The following DYNLT2B variants were observed in gnomAD, a reference collection of about 807,000 sequenced individuals.
The protein encoded by DYNLT2B is dynein light chain Tctex-type protein 2B.
DYNLT2B carries 14 observed loss-of-function variants against 19.5 expected under a neutral mutation model. The ratio of observed to expected loss-of-function variants is 0.72; its 90% CI spans 0.47 to 1.12. The LOEUF (loss-of-function observed/expected upper bound fraction) is 1.12, where lower values mean the gene tolerates loss of function less well. DYNLT2B is among the 50% of genes most tolerant of loss of function. DYNLT2B has a pLI of 0.00. For missense variants in DYNLT2B, 133 were observed against 174.7 expected (o/e 0.76, Z 1.35); for synonymous variants, 70 against 59.7 (o/e 1.17, Z -0.79).
In DYNLT2B at chr3:196,291,662, T is replaced by C. The variant is rs1329974754; in HGVS notation, c.382-288A>G. On this transcript the variant is annotated intron_variant, in intron 4 of 4. Coordinates refer to ENST00000325318, the MANE Select transcript of DYNLT2B (RefSeq NM_152773.5). The stretch of plus-strand genomic sequence containing the variant: ...CCAGGCTAATTTTGTTTATTTTTTG[T>C]AAAGATGAGGTCTCACTATGTTGCC... Among the ~76,000 whole-genome samples the C allele has an allele frequency of 2.6e-5, 4 of 152,186 alleles. No homozygotes were observed. The East Asian group carries it at 7.7e-4, about 29-fold the overall frequency.
chr3:196,309,810 G>A (rs747046881), intron 2 of DYNLT2B, among the ~76,000 whole-genome samples: 5 of 151,516 alleles, frequency 3.3e-5, no homozygotes, highest in South Asian at 4.2e-4. Context: ...TTAGCAGGGC[G>A]TGGTGGTGCA....
In DYNLT2B at chr3:196,296,290, C is replaced by T. The variant is rs1259297886; in HGVS notation, c.318-221G>A. On this transcript the variant is annotated intron_variant, in intron 3 of 4. Coordinates refer to ENST00000325318, the MANE Select transcript of DYNLT2B (RefSeq NM_152773.5). ...GAAGCTGCTTGCAACTAGAGGTGAC[C>T]AGCCAGGTACTCTGACAGCCTCAGA... 20 of 479,134 alleles carry T rather than the reference C, an allele frequency of 4.2e-5. No individual in the cohort carries two copies. The East Asian group carries it at 6.8e-4, about 16-fold the overall frequency. 29.7% of individuals were successfully genotyped at this position (479,134 alleles called of 1,614,324 possible). A position where few individuals can be genotyped will look rare whatever the true frequency, so the allele number is the denominator to read the frequency against.
chr3:196,299,336 C>T (rs62409172), intron 3 of DYNLT2B, among the ~76,000 whole-genome samples: 17 of 152,062 alleles, frequency 1.1e-4, no homozygotes, highest in Admixed American at 4.6e-4. Context: ...CCACCGGCCT[C>T]GGCCTCCCAA....
Position 196,291,260 on chromosome 3 carries a change from T to C in DYNLT2B, c.*67A>G, listed in dbSNP as rs1160548098. 1 of 1,415,620 alleles carries C rather than the reference T, an allele frequency of 7.1e-7. No homozygotes were observed. The highest frequency in any genetic ancestry group is 1.4e-5 in the African/African-American group (1 of 69,346). The allele number at this position is 1,415,620 out of a possible 1,614,324, so 87.7% of individuals were successfully genotyped here. On this transcript the variant is annotated 3_prime_UTR_variant, in exon 5 of 5. Coordinates refer to ENST00000325318, the MANE Select transcript of DYNLT2B (RefSeq NM_152773.5). Reference sequence around the variant, plus strand: ...CTAACATCTTTATTTTGTCAAGATATTTAACAATATTAAAAAGTTCAGATT... The same window carrying C: ...CTAACATCTTTATTTTGTCAAGATACTTAACAATATTAAAAAGTTCAGATT...
chr3:196,302,024 T>G (rs928849119), intron 3 of DYNLT2B, among the ~76,000 whole-genome samples: 1 of 151,930 alleles, frequency 6.6e-6, no homozygotes, highest in Non-Finnish European at 1.5e-5. Flanking sequence ...CGAGAATCGC[T>G]TAAACCCAGG....
chr3:196,301,525 C>A (rs1195791436), intron 3 of DYNLT2B, among the ~76,000 whole-genome samples: 1 of 152,060 alleles, frequency 6.6e-6, no homozygotes, highest in Non-Finnish European at 1.5e-5. Context: ...TAAGCCTGGT[C>A]AACATGGTGA....
chr3:196,292,677 TCA>T (rs1726119820), intron 4 of DYNLT2B: 1 of 152,140 alleles, frequency 6.6e-6, no homozygotes, highest in Non-Finnish European at 1.5e-5. Context: ...AACAAACAGG[TCA>T]CAGAGCCGTG....
At chr3:196,306,837 G>C (rs138684902) in intron 3 of DYNLT2B, 106 bp downstream of exon 3, 1 of 1,008,816 alleles carries the variant, frequency 9.9e-7, no homozygotes, top group Non-Finnish European at 1.5e-6. Flanking sequence ...CATCACACCC[G>C]GCCCTTCTCA....
At chr3:196,296,697 T>A (rs1197768007) in intron 3 of DYNLT2B, among the ~76,000 whole-genome samples, 1 of 151,990 alleles carries the variant, frequency 6.6e-6, no homozygotes. Flanking sequence ...GAGAATTTTT[T>A]AAAAAAAGAA....
At chr3:196,294,551 T>C (rs1726175408) in intron 4 of DYNLT2B, among the ~76,000 whole-genome samples, 1 of 152,076 alleles carries the variant, frequency 6.6e-6, no homozygotes, top group Non-Finnish European at 1.5e-5. Context: ...AGCGTCTATA[T>C]TTTAAACAAC....
chr3:196,293,214 T>C (rs1450426871), intron 4 of DYNLT2B, among the ~76,000 whole-genome samples: 2 of 152,236 alleles, frequency 1.3e-5, no homozygotes, highest in African/African-American at 4.8e-5. Context: ...TGGATGTTAA[T>C]AGGCAGAAAC....
At chr3:196,297,988 T>G (rs1726264129) in intron 3 of DYNLT2B, 1 of 158,506 alleles carries the variant, frequency 6.3e-6, no homozygotes, top group African/African-American at 2.4e-5. Context: ...TGGTGACGTT[T>G]TCAGCTTGCT....
intron 2 of DYNLT2B, among the ~76,000 whole-genome samples, chr3:196,311,491 G>A (rs974150366): frequency 6.6e-6 from 1 of 151,860 alleles, no homozygotes; most frequent in Non-Finnish European, 1.5e-5. Context: ...AATATTTGGT[G>A]TCCTGAAGAA....
intron 3 of DYNLT2B, among the ~76,000 whole-genome samples, chr3:196,296,964 C>T (rs1006208685): frequency 6.8e-6 from 1 of 146,352 alleles, no homozygotes; most frequent in Non-Finnish European, 1.5e-5. Context: ...GAGGCCAAGG[C>T]GGGCAGATCA....
At chr3:196,295,043 C>G (rs764996145) in intron 4 of DYNLT2B, among the ~76,000 whole-genome samples, 4 of 151,894 alleles carry the variant, frequency 2.6e-5, no homozygotes, top group Non-Finnish European at 4.4e-5. Context: ...CACCTGGCCT[C>G]ACTCTCTTAA....
chr3:196,312,741 G>A (rs999962800), intron 2 of DYNLT2B, among the ~76,000 whole-genome samples: 1 of 152,332 alleles, frequency 6.6e-6, no homozygotes, highest in African/African-American at 2.4e-5. Flanking sequence ...TTGCAGGCGT[G>A]AGCCACCGCG....
intron 3 of DYNLT2B, among the ~76,000 whole-genome samples, chr3:196,303,050 C>T (rs1003784824): frequency 1.1e-4 from 17 of 151,490 alleles, no homozygotes; most frequent in African/African-American, 2.4e-4. Flanking sequence ...CTAAGATCAG[C>T]GCTTGAGATA....
chr3:196,296,989 C>G (rs1317825428), intron 3 of DYNLT2B, among the ~76,000 whole-genome samples: 1 of 149,550 alleles, frequency 6.7e-6, no homozygotes, highest in African/African-American at 2.5e-5. Context: ...GTCGGGGGAT[C>G]GAGACCATCC....
Position 196,318,166 on chromosome 3 carries a change from G to C in DYNLT2B, c.-14C>G. 6.8e-7 allele frequency: 1 copy of C among 1,468,212 alleles called. No homozygotes were observed. The highest frequency in any genetic ancestry group is 2.7e-5 in the East Asian group (1 of 36,454). 90.9% of individuals were successfully genotyped at this position (1,468,212 alleles called of 1,614,324 possible). A position where few individuals can be genotyped will look rare whatever the true frequency, so the allele number is the denominator to read the frequency against. ...GGACGTGGCCATGCCGGGGCTTCTC[G>C]GTCCGGGCGTAGCTCGCGATGAAGG... On this transcript the variant is annotated 5_prime_UTR_variant, in exon 1 of 5. Transcript: ENST00000325318.
Sources: gnomAD v4.1 joint callset for allele counts (sites outside exome capture counted in the v4.1 genomes callset) on GRCh38, gnomAD v4.1.1 for gene constraint, MANE v1.5 for transcripts, NCBI Gene and HGNC (gene_info 2026-07-23, HGNC 2026-07-21) for gene names.